PEX13: variants seen among roughly 807,000 people sequenced by gnomAD.
PEX13 encodes the protein peroxisomal biogenesis factor 13.
A neutral mutation model predicts 34.5 loss-of-function variants in PEX13; 28 were observed. The observed-to-expected ratio is 0.81, with a 90% CI of 0.60 to 1.11. The LOEUF is 1.11. Among genes scored for constraint, PEX13 ranks in the 50% most tolerant of loss-of-function variants. PEX13 has a pLI of 0.00. For synonymous variants in PEX13, 177 were observed against 175.1 expected (o/e 1.01, Z -0.09); for missense variants, 550 against 491.0 (o/e 1.12, Z -1.13).
At chr2:61,048,342 T>C in intron 3 of PEX13, 130 bp from the exon 4 acceptor site, 1 of 736,726 alleles carries the variant, frequency 1.4e-6, no homozygotes, top group Non-Finnish European at 2.4e-6. Flanking sequence ...TTTGAATATA[T>C]ATGCATGTAC....
intron 1 of PEX13, among the ~76,000 whole-genome samples, chr2:61,025,606 G>A (rs1022322530): frequency 6.6e-6 from 1 of 152,098 alleles, no homozygotes; most frequent in East Asian, 1.9e-4. Context: ...TGACCCACCT[G>A]CCTCAGCCTC....
intron 1 of PEX13, among the ~76,000 whole-genome samples, chr2:61,021,006 C>T (rs1167880062): frequency 3.3e-5 from 5 of 152,162 alleles, no homozygotes; most frequent in Non-Finnish European, 7.3e-5. Flanking sequence ...TTATGAATGG[C>T]TTTTCTGCAT....
chr2:61,051,533 C>G lies in PEX13; in HGVS notation c.*2763C>G, dbSNP rs1288581806. 2.6e-5 allele frequency: 4 copies of G among 152,248 alleles called. No homozygotes were observed. The highest frequency in any genetic ancestry group is 1.5e-5 in the Non-Finnish European group (1 of 68,006). 9.4% of individuals were successfully genotyped at this position (152,248 alleles called of 1,614,324 possible). The stretch of plus-strand genomic sequence containing the variant: ...GTATTAAAATTCTGGAGAAGGAATT[C>G]AGGACTAGAATAAAGAGAAATTTTG... On this transcript the variant is annotated 3_prime_UTR_variant, in exon 4 of 4. Transcript: ENST00000295030.
chr2:61,031,740 T>A lies in PEX13; in HGVS notation c.414T>A (p.His138Gln). 1 of 1,614,216 alleles carries A rather than the reference T, an allele frequency of 6.2e-7. No individual in the cohort carries two copies. Among genetic ancestry groups the A allele is most frequent in the African/African-American group, 1.3e-5 (1 of 75,064 alleles). The part of the protein sequence containing the change: ...GAFQSIESIV[H>Q]AFASVSMMMD... ...TTCAGTCCATTGAAAGTATTGTGCA[T>A]GCATTTGCCTCTGTCAGTATGATGA... The change falls in exon 2 of 4, where the codon CAT (histidine) becomes CAA (glutamine). Residue 138 changes from histidine (H) to glutamine (Q), a missense_variant. Transcript: ENST00000295030.
chr2:61,024,364 A>G (rs1004201840), intron 1 of PEX13, among the ~76,000 whole-genome samples: 1 of 152,154 alleles, frequency 6.6e-6, no homozygotes, highest in Non-Finnish European at 1.5e-5. Flanking sequence ...CTCAACTTGC[A>G]TATATACCCC....
chr2:61,025,773 C>T (rs568059583), intron 1 of PEX13, among the ~76,000 whole-genome samples: 3 of 152,258 alleles, frequency 2.0e-5, no homozygotes, highest in Admixed American at 1.3e-4. Context: ...AATGTTAGGC[C>T]ACTAACAATC....
intron 1 of PEX13, among the ~76,000 whole-genome samples, chr2:61,026,273 C>G (rs528914719): frequency 6.6e-6 from 1 of 151,988 alleles, no homozygotes; most frequent in East Asian, 1.9e-4. Flanking sequence ...CCTTAGTGTA[C>G]AGCAGCTAAT....
rs769398640 is a variant in PEX13, at chr2:61,048,652, C to T, written c.1094C>T (p.Thr365Met). Reference protein sequence around the residue: ...FTNPTLTKGATVADSLDEQEA... With the variant: ...FTNPTLTKGAMVADSLDEQEA... ...AACCCAACACTAACTAAAGGAGCCA[C>T]GGTTGCTGATTCTTTGGATGAACAG... Residue 365 changes from threonine to methionine, a missense_variant, in exon 4 of 4, where the codon ACG (threonine) becomes ATG (methionine). By Grantham distance (81) the Thr-to-Met change is moderately conservative. Transcript: ENST00000295030. 8.7e-6 allele frequency: 14 copies of T among 1,613,950 alleles called. No homozygotes were observed. Among genetic ancestry groups the T allele is most frequent in the Admixed American group, 1.7e-5 (1 of 60,006 alleles).
chr2:61,031,705 AG>A lies in PEX13; in HGVS notation c.383del (p.Gly128ValfsTer18), dbSNP rs1179204899. 6.2e-7 allele frequency: 1 copy of A among 1,614,116 alleles called. No homozygotes were observed. The highest frequency in any genetic ancestry group is 8.5e-7 in the Non-Finnish European group (1 of 1,180,048). On this transcript the variant is annotated frameshift_variant, in exon 2 of 4. Transcript: ENST00000295030. LOFTEE classifies it high-confidence loss of function. ...TGTTCAGCAAGCTGAAGAAAGCAGC[AG>A]GGGTGCATTTCAGTCCATTGAAAGT... ...RFVQQAEESS[R>X]GAFQSIESIV...
In PEX13 at chr2:61,018,170, C is replaced by T. The variant is rs534181108; in HGVS notation, c.92+319C>T. The T allele has an allele frequency of 6.4e-5, 99 of 1,550,630 alleles. No homozygotes were observed. In the African/African-American group the frequency reaches 1.2e-3, roughly 18 times the overall value. On this transcript the variant is annotated intron_variant, in intron 1 of 3. Coordinates refer to ENST00000295030, the MANE Select transcript of PEX13 (RefSeq NM_002618.4). ...TGTTTTCACTTTGACAGAATGGCTT[C>T]TCTATCTTTAAAGCGTAGACTTTGG...
Position 61,029,689 on chromosome 2 carries a change from G to C in PEX13, c.93-1730G>C, listed in dbSNP as rs1203727631. Among the ~76,000 whole-genome samples the C allele has an allele frequency of 3.3e-5, 5 of 152,114 alleles. No homozygotes were observed. In the East Asian group the frequency reaches 7.7e-4, roughly 23 times the overall value. ...AGGCCAGACGTGTTGGCTAACACCT[G>C]TTATCCTGACATTTTGGGAGGCTGA... On this transcript the variant is annotated intron_variant, in intron 1 of 3. Coordinates refer to ENST00000295030, the MANE Select transcript of PEX13 (RefSeq NM_002618.4).
chr2:61,018,285 G>T lies in PEX13; in HGVS notation c.92+434G>T, dbSNP rs1324007248. On this transcript the variant is annotated intron_variant, in intron 1 of 3. Transcript: ENST00000295030. ...AAAGGTGTTAACCTCTCGAGAAGTT[G>T]CTGAAAGCCGGAAAGGTTTTACGCA... 5 of 1,550,334 alleles carry T rather than the reference G, an allele frequency of 3.2e-6. No individual in the cohort carries two copies. The East Asian group carries it at 9.7e-5, about 30-fold the overall frequency.
At chr2:61,032,514 CTG>C (rs1415236321) in intron 2 of PEX13, among the ~76,000 whole-genome samples, 2 of 152,212 alleles carry the variant, frequency 1.3e-5, no homozygotes, top group African/African-American at 4.8e-5. Flanking sequence ...ATGCAAGACA[CTG>C]TGCTAGGTAT....
chr2:61,043,011 G>C (rs1223140543), intron 2 of PEX13, among the ~76,000 whole-genome samples: 1 of 152,146 alleles, frequency 6.6e-6, no homozygotes, highest in Non-Finnish European at 1.5e-5. Flanking sequence ...TGTTATACAA[G>C]CTAGTTTGGC....
chr2:61,051,181 A>C lies in PEX13; in HGVS notation c.*2411A>C, dbSNP rs1230117153. On this transcript the variant is annotated 3_prime_UTR_variant, in exon 4 of 4. Coordinates refer to ENST00000295030, the MANE Select transcript of PEX13 (RefSeq NM_002618.4). ...TCCAACACCCAGGTATTAGCCTTGA[A>C]GTTGAAGAGATAAGGTTTCTTGTAT... The C allele has an allele frequency of 6.6e-6, 1 of 152,284 alleles. No individual in the cohort carries two copies. Among genetic ancestry groups the C allele is most frequent in the Non-Finnish European group, 1.5e-5 (1 of 68,022 alleles). 9.4% of individuals were successfully genotyped at this position (152,284 alleles called of 1,614,324 possible). A position where few individuals can be genotyped will look rare whatever the true frequency, so the allele number is the denominator to read the frequency against.
chr2:61,019,795 C>T (rs1418940448), intron 1 of PEX13, among the ~76,000 whole-genome samples: 1 of 152,118 alleles, frequency 6.6e-6, no homozygotes, highest in Non-Finnish European at 1.5e-5. Flanking sequence ...TCAAGAGTTT[C>T]CACACATTGC....
In PEX13 at chr2:61,019,880, T is replaced by C. The variant is rs1225844091; in HGVS notation, c.92+2029T>C. 2.0e-5 allele frequency among the ~76,000 whole-genome samples: 3 copies of C among 152,248 alleles called. No individual in the cohort carries two copies. The East Asian group carries it at 5.8e-4, about 29-fold the overall frequency. On this transcript the variant is annotated intron_variant, in intron 1 of 3. Transcript: ENST00000295030. ...ACTGGGATTTTTATTGGAACTGAGC[T>C]GAATTTATGGATCAAGTAAGTTTTT...
At chr2:61,036,363 G>A (rs558418188) in intron 2 of PEX13, among the ~76,000 whole-genome samples, 6 of 152,254 alleles carry the variant, frequency 3.9e-5, no homozygotes, top group East Asian at 1.9e-4. Flanking sequence ...AGGAAAAAAT[G>A]TTAAGAGCAG....
At chr2:61,023,957 C>T (rs1348864379) in intron 1 of PEX13, among the ~76,000 whole-genome samples, 1 of 151,936 alleles carries the variant, frequency 6.6e-6, no homozygotes, top group Non-Finnish European at 1.5e-5. Flanking sequence ...CCACAACGCC[C>T]AGCTAATTTT....
Sources: gnomAD v4.1 joint callset for allele counts (sites outside exome capture counted in the v4.1 genomes callset) on GRCh38, gnomAD v4.1.1 for gene constraint, MANE v1.5 for transcripts, NCBI Gene and HGNC (gene_info 2026-07-23, HGNC 2026-07-21) for gene names.